The following KDM8 variants were observed in gnomAD, a reference collection of about 807,000 sequenced individuals.
KDM8 encodes lysine demethylase 8.
A neutral mutation model predicts 46.9 loss-of-function variants in KDM8; 35 were observed. That is an observed-to-expected ratio of 0.75 (90% confidence interval 0.57 to 0.99). The LOEUF (loss-of-function observed/expected upper bound fraction) is 0.99. Among genes scored for constraint, KDM8 ranks in the 50% least tolerant of loss-of-function variants. The pLI is 0.00. For synonymous variants in KDM8, 232 were observed against 227.7 expected, an observed-to-expected ratio of 1.02 and a Z score of -0.17; for missense variants, 475 against 537.0, an observed-to-expected ratio of 0.88 and a Z score of 1.14.
In KDM8 at chr16:27,220,587, C is replaced by T; in HGVS notation, c.1108C>T (p.Leu370=). ...TSQVDVENPD[L]EKFPKFAKAP... is the part of the protein sequence containing the mutation. Reference sequence around the variant, plus strand: ...TCAGGTTGACGTGGAGAATCCCGACCTGGAAAAGTTCCCCAAGTTTGCCAA... The same window carrying T: ...TCAGGTTGACGTGGAGAATCCCGACTTGGAAAAGTTCCCCAAGTTTGCCAA... Residue 370 remains leucine, a synonymous_variant, in exon 8 of 8, where the codon CTG becomes TTG. Coordinates refer to ENST00000286096, the MANE Select transcript of KDM8 (RefSeq NM_024773.3). The T allele has an allele frequency of 6.2e-7, 1 of 1,614,156 alleles. No homozygotes were observed. The highest frequency in any genetic ancestry group is 8.5e-7 in the Non-Finnish European group (1 of 1,180,030).
intron 4 of KDM8, 57 bp from the exon 5 acceptor site, chr16:27,215,888 A>G (rs2083544993): frequency 6.4e-7 from 1 of 1,558,256 alleles, no homozygotes; most frequent in Non-Finnish European, 8.9e-7. Flanking sequence ...GCAGGAGGGC[A>G]TCTGTCATGA....
In KDM8 at chr16:27,219,026, G is replaced by C; in HGVS notation, c.909G>C (p.Glu303Asp). The C allele has an allele frequency of 6.2e-7, 1 of 1,613,960 alleles. No individual in the cohort carries two copies. Among genetic ancestry groups the C allele is most frequent in the Middle Eastern group, 1.6e-4 (1 of 6,062 alleles). The change falls in exon 6 of 8, where the codon GAG becomes GAC. Residue 303 changes from glutamate to aspartate, a missense_variant. Coordinates refer to ENST00000286096, the MANE Select transcript of KDM8 (RefSeq NM_024773.3). ...DYCSLGDGEE[E>D]EITINAWFGP... ...GCAGCCTGGGCGATGGGGAGGAGGA[G>C]GAAATCACCATCAATGCCTGGTTTG...
At position 27,221,278 on chromosome 16, in the gene KDM8, CCCTT is replaced by C; in HGVS notation, c.*555_*558del. The C allele has an allele frequency of 4.3e-6, 1 of 231,882 alleles. No individual in the cohort carries two copies. The highest frequency in any genetic ancestry group is 6.3e-5 in the South Asian group (1 of 15,886). The allele number at this position is 231,882 out of a possible 1,614,324, so 14.4% of individuals were successfully genotyped here. ...GATCCCAATTACTCTGATCCTTTTG[CCCTT>C]CCTTCCCATAACGGCCTGCTGGACG... On this transcript the variant is annotated 3_prime_UTR_variant, in exon 8 of 8. Coordinates refer to ENST00000286096, the MANE Select transcript of KDM8 (RefSeq NM_024773.3).
In KDM8 at chr16:27,210,114, T is replaced by C; in HGVS notation, c.-10T>C. 6.2e-7 allele frequency: 1 copy of C among 1,609,690 alleles called. No individual in the cohort carries two copies. The highest frequency in any genetic ancestry group is 8.5e-7 in the Non-Finnish European group (1 of 1,178,148). On this transcript the variant is annotated 5_prime_UTR_variant, in exon 2 of 8. Coordinates refer to ENST00000286096, the MANE Select transcript of KDM8 (RefSeq NM_024773.3). The stretch of plus-strand genomic sequence containing the variant: ...CCAGGCACGGGACTGAACCAGCTGG[T>C]GGTGGCCCGATGGCTGGAGACACCC...
intron 6 of KDM8, among the ~76,000 whole-genome samples, chr16:27,219,578 C>T (rs982648270): frequency 2.0e-5 from 3 of 152,180 alleles, no homozygotes; most frequent in African/African-American, 7.2e-5. Context: ...CCCTGGTTTT[C>T]GCAGGCAAAG....
rs375853625 is a variant in KDM8 at position 27,217,932 on chromosome 16, C to T, written c.844-1029C>T. On this transcript the variant is annotated intron_variant, in intron 5 of 7. Transcript: ENST00000286096. ...TGGCCTGCTCTGGTGGGTTCAACCC[C>T]GGAGGTAACTGAGGTGCCTGCTAAG... Among the ~76,000 whole-genome samples the T allele has an allele frequency of 1.0e-3, 156 of 151,974 alleles. 1 individual carries two copies. The highest frequency in any genetic ancestry group is 4.6e-3 in the South Asian group (22 of 4,794).
chr16:27,220,990 C>G lies in KDM8; in HGVS notation c.*260C>G. Reference sequence around the variant, plus strand: ...AGCCCAGAAGGACATTGCAGACAGACAGCCTGCATGGGGACTCTGGCATCA... The same window carrying G: ...AGCCCAGAAGGACATTGCAGACAGAGAGCCTGCATGGGGACTCTGGCATCA... On this transcript the variant is annotated 3_prime_UTR_variant, in exon 8 of 8. Coordinates refer to ENST00000286096, the MANE Select transcript of KDM8 (RefSeq NM_024773.3). The G allele has an allele frequency of 1.9e-6, 1 of 537,256 alleles. No individual in the cohort carries two copies. The highest frequency in any genetic ancestry group is 3.1e-5 in the Admixed American group (1 of 32,654). The allele number at this position is 537,256 out of a possible 1,614,324, so 33.3% of individuals were successfully genotyped here. A position where few individuals can be genotyped will look rare whatever the true frequency, so the allele number is the denominator to read the frequency against.
chr16:27,216,172 G>T (rs2083549846), intron 5 of KDM8, 183 bp downstream of exon 5: 1 of 635,738 alleles, frequency 1.6e-6, no homozygotes, highest in African/African-American at 1.8e-5. Context: ...AACACTGGGG[G>T]GTCGCCAGTG....
intron 2 of KDM8, chr16:27,211,023 C>T (rs1206620734): frequency 3.5e-5 from 14 of 398,032 alleles, no homozygotes; most frequent in South Asian, 2.7e-4. Flanking sequence ...AAGCAGTCCT[C>T]CTGTCGTGGC....
chr16:27,210,070 CTTGT>C lies in KDM8; in HGVS notation c.-31-20_-31-17del. The C allele has an allele frequency of 2.5e-6, 4 of 1,573,590 alleles. No homozygotes were observed. Among genetic ancestry groups the C allele is most frequent in the Non-Finnish European group, 3.4e-6 (4 of 1,161,654 alleles). On this transcript the variant is annotated intron_variant, in intron 1 of 7. Coordinates refer to ENST00000286096, the MANE Select transcript of KDM8 (RefSeq NM_024773.3). Reference sequence around the variant, plus strand: ...ATCAGGTCTGTCCTGGTGTCTAACTCTTGTTTCTCTCCACCTCCCCAGGCACGGG... The same window carrying C: ...ATCAGGTCTGTCCTGGTGTCTAACTCTTCTCTCCACCTCCCCAGGCACGGG...
At position 27,210,178 on chromosome 16, in the gene KDM8, T is replaced by C; in HGVS notation, c.55T>C (p.Trp19Arg). The C allele has an allele frequency of 1.2e-6, 2 of 1,613,492 alleles. No homozygotes were observed. The highest frequency in any genetic ancestry group is 1.7e-6 in the Non-Finnish European group (2 of 1,180,040). The change falls in exon 2 of 8, where the codon TGG (tryptophan) becomes CGG (arginine). Residue 19 changes from tryptophan (W) to arginine (R), a missense_variant. Trp to Arg is a moderately radical substitution (Grantham distance 101). Coordinates refer to ENST00000286096, the MANE Select transcript of KDM8 (RefSeq NM_024773.3). ...GCCCCTGGCCAGAGAAGGCACTTTA[T>C]GGGAGGCCCTCAGGGCGCTCCTGCC... ...AEPLAREGTL[W>R]EALRALLPHS...
At chr16:27,204,447 C>T in intron 1 of KDM8, 4 of 968,384 alleles carry the variant, frequency 4.1e-6, no homozygotes, top group Non-Finnish European at 5.4e-6. Flanking sequence ...CCAAACTTTC[C>T]TGGGAAGTTT....
intron 2 of KDM8, among the ~76,000 whole-genome samples, chr16:27,212,496 G>A (rs1409947000): frequency 1.3e-5 from 2 of 152,222 alleles, no homozygotes; most frequent in Non-Finnish European, 2.9e-5. Context: ...CACTTTGGGA[G>A]GCTGAGGCCG....
At chr16:27,210,668 C>T in intron 2 of KDM8, 47 bp downstream of exon 2, 1 of 1,481,540 alleles carries the variant, frequency 6.7e-7, no homozygotes, top group Non-Finnish European at 9.0e-7. Flanking sequence ...TCCAGCAACC[C>T]TGTTGTTCTA....
intron 1 of KDM8, among the ~76,000 whole-genome samples, chr16:27,207,605 G>T (rs912179966): frequency 6.6e-5 from 10 of 152,168 alleles, no homozygotes; most frequent in Non-Finnish European, 4.4e-5. Context: ...TTTGAAACAG[G>T]GTCTCACTCT....
At position 27,215,078 on chromosome 16, in the gene KDM8, C is replaced by T. The variant is rs927756596; in HGVS notation, c.798+70C>T. 6.7e-5 allele frequency: 104 copies of T among 1,560,356 alleles called. 1 individual carries two copies. In the South Asian group the frequency reaches 6.7e-4, roughly 10 times the overall value. On this transcript the variant is annotated intron_variant, in intron 4 of 7. Transcript: ENST00000286096. ...AGCATAGTACATTTAGGCAAATAAC[C>T]CCCCATGTGTTGTAATGGGAGGTTT...
intron 1 of KDM8, among the ~76,000 whole-genome samples, chr16:27,205,567 C>T (rs992396483): frequency 2.0e-5 from 3 of 152,020 alleles, no homozygotes; most frequent in African/African-American, 4.8e-5. Context: ...CTGGGCCGGG[C>T]GTGGCGGCTC....
chr16:27,219,683 C>T (rs1040601683), intron 6 of KDM8, among the ~76,000 whole-genome samples: 4 of 152,226 alleles, frequency 2.6e-5, no homozygotes, highest in Non-Finnish European at 4.4e-5. Context: ...CGGGAGCCAG[C>T]GTGCCTGGCG....
At chr16:27,216,974 T>TTC (rs2083562744) in intron 5 of KDM8, among the ~76,000 whole-genome samples, 1 of 151,626 alleles carries the variant, frequency 6.6e-6, no homozygotes. Flanking sequence ...ACAGGAGGAG[T>TTC]TATATTTAGG....
Sources: allele counts gnomAD v4.1 joint callset (sites outside exome capture counted in the v4.1 genomes callset), GRCh38; gene constraint gnomAD v4.1.1; transcripts MANE v1.5; gene names NCBI Gene and HGNC (gene_info 2026-07-23, HGNC 2026-07-21).